UGT1A4: variants seen among roughly 807,000 people sequenced by gnomAD.
UGT1A4 encodes UDP-glucuronosyltransferase 1A4.
UGT1A4 carries 32 observed loss-of-function variants against 41.1 expected under a neutral mutation model. That is an observed-to-expected ratio of 0.78 (90% CI 0.59 to 1.05). The LOEUF (loss-of-function observed/expected upper bound fraction) is 1.05. UGT1A4 is among the 50% of genes least tolerant of loss of function. The pLI, the probability that UGT1A4 is intolerant of heterozygous loss-of-function variation, is 0.00. For synonymous variants in UGT1A4, 283 were observed against 265.1 expected (o/e 1.07, Z -0.66); for missense variants, 748 against 677.4 (o/e 1.10, Z -1.16).
intron 1 of UGT1A4, chr2:233,747,696 G>C (rs1693755189): frequency 1.2e-6 from 2 of 1,611,556 alleles, no homozygotes; most frequent in Admixed American, 1.7e-5. Context: ...GGCAGTGCTG[G>C]CTAAGTACCT....
chr2:233,768,900 A>G (rs972191736), intron 4 of UGT1A4, among the ~76,000 whole-genome samples: 23 of 152,184 alleles, frequency 1.5e-4, no homozygotes, highest in African/African-American at 5.1e-4. Flanking sequence ...TATAAATAAG[A>G]TAATTTAGAG....
rs1274189847 is a variant in UGT1A4, at chr2:233,773,108, T to A, written c.*549T>A. 6.4e-6 allele frequency: 1 copy of A among 155,390 alleles called. No individual in the cohort carries two copies. The highest frequency in any genetic ancestry group is 2.4e-5 in the African/African-American group (1 of 41,446). The allele number at this position is 155,390 out of a possible 1,614,324, so 9.6% of individuals were successfully genotyped here. A position where few individuals can be genotyped will look rare whatever the true frequency, so the allele number is the denominator to read the frequency against. On this transcript the variant is annotated 3_prime_UTR_variant, in exon 5 of 5. Coordinates refer to ENST00000373409, the MANE Select transcript of UGT1A4 (RefSeq NM_007120.3). ...AGTGCACTGAGAACAGCATATGATT[T>A]CTTGCTTTGGGGAAAAAGAATGATG...
chr2:233,757,384 T>TA (rs1696511783), intron 1 of UGT1A4, among the ~76,000 whole-genome samples: 1 of 151,252 alleles, frequency 6.6e-6, no homozygotes. Context: ...ATTCAGCACT[T>TA]ACTTGCTGGC....
At chr2:233,742,247 A>G (rs748626852) in intron 1 of UGT1A4, among the ~76,000 whole-genome samples, 6 of 152,004 alleles carry the variant, frequency 3.9e-5, no homozygotes, top group Non-Finnish European at 7.3e-5. Context: ...ATTTACCCAC[A>G]TATTTATTGA....
intron 1 of UGT1A4, chr2:233,760,407 G>A (rs749423657): frequency 4.3e-6 from 7 of 1,614,102 alleles, no homozygotes; most frequent in Non-Finnish European, 5.9e-6. Context: ...GCAGCCACTG[G>A]CTGAGCATGC....
chr2:233,757,044 A>T (rs1411336170), intron 1 of UGT1A4, among the ~76,000 whole-genome samples: 1 of 151,696 alleles, frequency 6.6e-6, no homozygotes, highest in Non-Finnish European at 1.5e-5. Flanking sequence ...CATCAAAGGA[A>T]GTTTGGGGAA....
chr2:233,741,211 A>G (rs764528916), intron 1 of UGT1A4, among the ~76,000 whole-genome samples: 2 of 151,912 alleles, frequency 1.3e-5, no homozygotes, highest in African/African-American at 2.4e-5. Flanking sequence ...AACTAGCCAG[A>G]GTTGTTACAG....
chr2:233,759,026 A>G (rs888147104), intron 1 of UGT1A4, among the ~76,000 whole-genome samples: 4 of 152,116 alleles, frequency 2.6e-5, no homozygotes, highest in Admixed American at 2.0e-4. Flanking sequence ...TTGCTTATCT[A>G]TTTGGTTTCC....
In UGT1A4 at chr2:233,769,856, TCA is replaced by T; in HGVS notation, c.1307+1418_1307+1419del. 4.3e-5 allele frequency: 14 copies of T among 322,422 alleles called. No individual in the cohort carries two copies. Among genetic ancestry groups the T allele is most frequent in the Admixed American group, 5.6e-5 (1 of 17,838 alleles). The allele number at this position is 322,422 out of a possible 1,614,324, so 20.0% of individuals were successfully genotyped here. A position where few individuals can be genotyped will look rare whatever the true frequency, so the allele number is the denominator to read the frequency against. ...CTGGGCAACAGAGTGAGACCCTGTC[TCA>T]AAAAAAAAAAAAAAAATGAAAAGTC... On this transcript the variant is annotated intron_variant, in intron 4 of 4. Transcript: ENST00000373409. The surrounding 1 kb of genome is among the most constrained non-coding windows in gnomAD (Gnocchi z 4.4).
rs867393133 is a variant in UGT1A4 at position 233,772,500 on chromosome 2, C to T, written c.1546C>T (p.Arg516Trp). ...CTTTAAATGTTGTGCTTATGGCTACCGGAAATGCTTGGGGAAAAAAGGGCG... is the reference window on the plus strand; with the variant it reads ...CTTTAAATGTTGTGCTTATGGCTACTGGAAATGCTTGGGGAAAAAAGGGCG... ...ITFKCCAYGY[R>W]KCLGKKGRVK... Residue 516 changes from arginine (R) to tryptophan (W), a missense_variant, in exon 5 of 5, where the codon CGG becomes TGG. Arg to Trp is a moderately radical substitution (Grantham distance 101). Coordinates refer to ENST00000373409, the MANE Select transcript of UGT1A4 (RefSeq NM_007120.3). 25 of 1,614,078 alleles carry T rather than the reference C, an allele frequency of 1.5e-5. No homozygotes were observed. Among genetic ancestry groups the T allele is most frequent in the African/African-American group, 8.0e-5 (6 of 74,994 alleles).
chr2:233,741,255 T>A (rs1029860579), intron 1 of UGT1A4, among the ~76,000 whole-genome samples: 2 of 151,880 alleles, frequency 1.3e-5, no homozygotes, highest in Non-Finnish European at 2.9e-5. Context: ...GGTATGCCAC[T>A]CTTTGCTGAC....
At chr2:233,725,198 A>C (rs1414997731) in intron 1 of UGT1A4, among the ~76,000 whole-genome samples, 7 of 86,674 alleles carry the variant, frequency 8.1e-5, no homozygotes, top group African/African-American at 6.8e-4. Flanking sequence ...AGGCAGAGGC[A>C]GAGGCAGAGG....
Position 233,772,406 on chromosome 2 carries a change from G to A in UGT1A4, c.1452G>A (p.Trp484Ter), listed in dbSNP as rs866632307. Residue 484 changes from tryptophan to a stop codon, truncating the protein, a stop_gained, in exon 5 of 5, where the codon TGG (tryptophan) becomes TGA (stop). Transcript: ENST00000373409. LOFTEE classifies it high-confidence loss of function. ...GCCCCGCAGCCCACGACCTCACCTGGTACCAGTACCATTCCTTGGACGTGA... is the reference window on the plus strand; with the variant it reads ...GCCCCGCAGCCCACGACCTCACCTGATACCAGTACCATTCCTTGGACGTGA... The part of the protein sequence containing the change: ...HLRPAAHDLT[W>*]YQYHSLDVIG... 1 of 1,614,238 alleles carries A rather than the reference G, an allele frequency of 6.2e-7. No homozygotes were observed. Among genetic ancestry groups the A allele is most frequent in the Middle Eastern group, 1.6e-4 (1 of 6,062 alleles).
At chr2:233,757,107 C>A (rs999241800) in intron 1 of UGT1A4, among the ~76,000 whole-genome samples, 3 of 150,946 alleles carry the variant, frequency 2.0e-5, no homozygotes, top group African/African-American at 7.3e-5. Flanking sequence ...AGGGGGCAAG[C>A]AGAAGGGCTA....
intron 1 of UGT1A4, chr2:233,747,175 C>T (rs1385775895): frequency 1.8e-5 from 28 of 1,599,104 alleles, no homozygotes; most frequent in South Asian, 8.9e-5. Context: ...GGAGGCACAG[C>T]GTGGGGTGGA....
chr2:233,749,957 G>T (rs1223169654), intron 1 of UGT1A4, among the ~76,000 whole-genome samples: 2 of 151,888 alleles, frequency 1.3e-5, no homozygotes, highest in African/African-American at 4.9e-5. Context: ...CGAGTCTTGG[G>T]TATGTCTTTA....
chr2:233,761,198 T>G (rs1477470305), intron 1 of UGT1A4: 1 of 1,614,016 alleles, frequency 6.2e-7, no homozygotes, highest in African/African-American at 1.3e-5. Context: ...CTTTCAGATG[T>G]ATTACTTTGG....
intron 1 of UGT1A4, among the ~76,000 whole-genome samples, chr2:233,724,309 C>T (rs1481957391): frequency 1.9e-4 from 27 of 145,654 alleles, no homozygotes; most frequent in East Asian, 8.6e-4. Flanking sequence ...ACCTCCCTCC[C>T]GGACGGGGCG....
At position 233,747,921 on chromosome 2, in the gene UGT1A4, G is replaced by A. The variant is rs1693813476; in HGVS notation, c.868-19113G>A. The A allele has an allele frequency of 2.2e-5, 36 of 1,613,276 alleles. 2 individuals are homozygous for A. The South Asian group carries it at 4.0e-4, about 18-fold the overall frequency. ...TGCTCCTTATGCAAGCCTTGCCTCT[G>A]AGCTTTTTCAGAGGGAGGTGTCAGT... On this transcript the variant is annotated intron_variant, in intron 1 of 4. Coordinates refer to ENST00000373409, the MANE Select transcript of UGT1A4 (RefSeq NM_007120.3).
Sources: gnomAD v4.1 joint callset for allele counts (sites outside exome capture counted in the v4.1 genomes callset) on GRCh38, gnomAD v4.1.1 for gene constraint, Gnocchi (gnomAD v3.1) non-coding constraint, MANE v1.5 for transcripts, NCBI Gene and HGNC (gene_info 2026-07-23, HGNC 2026-07-21) for gene names.